Variants in GRM1 observed in about 807,000 individuals in gnomAD.
GRM1 encodes the protein metabotropic glutamate receptor 1.
Under a neutral mutation model 90.9 loss-of-function variants are expected in GRM1, and 33 were observed. The ratio of observed to expected loss-of-function variants is 0.36; its 90% confidence interval spans 0.28 to 0.49. The LOEUF (loss-of-function observed/expected upper bound fraction) is 0.49. GRM1 is among the 20% of genes least tolerant of loss of function. GRM1 has a pLI of 0.99. For synonymous variants in GRM1, 700 were observed against 613.2 expected (o/e 1.14, Z -2.09); for missense variants, 1,190 against 1,534.3 (o/e 0.78, Z 3.75).
intron 5 of GRM1, among the ~76,000 whole-genome samples, chr6:146,382,270 G>C (rs1392762002): frequency 8.5e-6 from 1 of 117,928 alleles, no homozygotes; most frequent in African/African-American, 3.4e-5. Flanking sequence ...TTTTAAATTT[G>C]TCACTTTGGG....
intron 1 of GRM1, among the ~76,000 whole-genome samples, chr6:146,066,868 C>T (rs1262896938): frequency 6.6e-6 from 1 of 151,864 alleles, no homozygotes; most frequent in Non-Finnish European, 1.5e-5. Flanking sequence ...GGAAAGAGCT[C>T]AGATCTTTGA....
intron 2 of GRM1, among the ~76,000 whole-genome samples, chr6:146,292,815 C>T (rs1783035621): frequency 6.6e-6 from 1 of 151,864 alleles, no homozygotes; most frequent in African/African-American, 2.4e-5. Context: ...TGCATGTATA[C>T]ATATGTTTAT....
At chr6:146,184,805 A>G (rs1459539084) in intron 2 of GRM1, among the ~76,000 whole-genome samples, 3 of 152,202 alleles carry the variant, frequency 2.0e-5, no homozygotes, top group Non-Finnish European at 1.5e-5. Context: ...TTCATGATCA[A>G]CAAGATTGCT....
chr6:146,174,465 G>T (rs1778259412), intron 2 of GRM1, among the ~76,000 whole-genome samples: 1 of 152,192 alleles, frequency 6.6e-6, no homozygotes, highest in Non-Finnish European at 1.5e-5. Flanking sequence ...AAAGGAGCTG[G>T]AATTGCAAAA....
intron 1 of GRM1, among the ~76,000 whole-genome samples, chr6:146,035,122 G>C (rs1458557294): frequency 6.6e-6 from 1 of 151,902 alleles, no homozygotes; most frequent in Non-Finnish European, 1.5e-5. Context: ...AAAAGAGACA[G>C]TATTGAAAGT....
At chr6:146,339,472 C>T (rs1439936305) in intron 3 of GRM1, among the ~76,000 whole-genome samples, 1 of 152,118 alleles carries the variant, frequency 6.6e-6, no homozygotes, top group African/African-American at 2.4e-5. Flanking sequence ...TAAATAGACA[C>T]CTCATTTATA....
intron 3 of GRM1, among the ~76,000 whole-genome samples, chr6:146,320,014 G>C (rs904874288): frequency 6.6e-6 from 1 of 152,128 alleles, no homozygotes; most frequent in Non-Finnish European, 1.5e-5. Flanking sequence ...GAATAAGAGT[G>C]GTGAGAGAGG....
Position 146,154,422 on chromosome 6 carries a change from T to C in GRM1, c.701-4926T>C, listed in dbSNP as rs78855731. Among the ~76,000 whole-genome samples the C allele has an allele frequency of 5.3e-3, 803 of 152,308 alleles. 4 individuals are homozygous for C. The highest frequency in any genetic ancestry group is 0.019 in the African/African-American group (780 of 41,570). ...CAGCTGTGTGTGGTTTTCTCCCTTG[T>C]AATCAGTCAATGCCTGTCTTTTGAG... On this transcript the variant is annotated intron_variant, in intron 1 of 7. Transcript: ENST00000282753.
intron 6 of GRM1, among the ~76,000 whole-genome samples, chr6:146,397,332 G>A (rs576781500): frequency 6.6e-6 from 1 of 151,646 alleles, no homozygotes; most frequent in South Asian, 2.1e-4. Context: ...AAATTAGCCG[G>A]GCATGGTGGC....
chr6:146,141,887 G>C (rs1271089398), intron 1 of GRM1, among the ~76,000 whole-genome samples: 1 of 152,124 alleles, frequency 6.6e-6, no homozygotes, highest in Non-Finnish European at 1.5e-5. Context: ...ACTGGTTCCT[G>C]ATGCCTTATT....
intron 1 of GRM1, among the ~76,000 whole-genome samples, chr6:146,146,173 C>T (rs531080917): frequency 1.1e-4 from 13 of 119,990 alleles, no homozygotes; most frequent in Non-Finnish European, 2.1e-4. Context: ...ACTGCAAGCT[C>T]TGCCTCCCGG....
chr6:146,158,893 C>T (rs965742342), intron 1 of GRM1, among the ~76,000 whole-genome samples: 18 of 152,124 alleles, frequency 1.2e-4, no homozygotes, highest in African/African-American at 4.1e-4. Flanking sequence ...GCTCATTCTT[C>T]GTGGAAACGT....
chr6:146,332,488 T>G (rs774586142), intron 3 of GRM1, among the ~76,000 whole-genome samples: 1 of 152,232 alleles, frequency 6.6e-6, no homozygotes, highest in Non-Finnish European at 1.5e-5. Flanking sequence ...ATGACCTCTC[T>G]GGCAACAATG....
At chr6:146,188,967 A>G (rs1315535229) in intron 2 of GRM1, among the ~76,000 whole-genome samples, 1 of 152,192 alleles carries the variant, frequency 6.6e-6, no homozygotes, top group African/African-American at 2.4e-5. Flanking sequence ...ATGCTAAGCT[A>G]CTGTGCTAAA....
At chr6:146,297,781 A>G (rs1164118356) in intron 2 of GRM1, among the ~76,000 whole-genome samples, 1 of 152,192 alleles carries the variant, frequency 6.6e-6, no homozygotes, top group African/African-American at 2.4e-5. Context: ...AGATTCTGAC[A>G]ACCTGGTTGG....
chr6:146,355,120 G>A (rs963834052), intron 4 of GRM1, among the ~76,000 whole-genome samples: 2 of 152,160 alleles, frequency 1.3e-5, no homozygotes, highest in Non-Finnish European at 2.9e-5. Flanking sequence ...TTGTATGTGA[G>A]AAGCTGTATT....
chr6:146,260,936 T>C (rs1781675896), intron 2 of GRM1, among the ~76,000 whole-genome samples: 1 of 151,368 alleles, frequency 6.6e-6, no homozygotes, highest in Admixed American at 6.6e-5. Context: ...CACCTCTATA[T>C]TTTTAGCATC....
intron 2 of GRM1, among the ~76,000 whole-genome samples, chr6:146,207,079 G>C (rs1779521394): frequency 6.6e-6 from 1 of 152,114 alleles, no homozygotes; most frequent in Non-Finnish European, 1.5e-5. Flanking sequence ...TTGATTCCAT[G>C]TCTTTGCTAT....
At chr6:146,316,045 T>A (rs1291831198) in intron 3 of GRM1, among the ~76,000 whole-genome samples, 1 of 152,182 alleles carries the variant, frequency 6.6e-6, no homozygotes, top group Non-Finnish European at 1.5e-5. Context: ...TATGTTACAA[T>A]TCTGTAGGTT....
Sources: gnomAD v4.1 joint callset for allele counts (sites outside exome capture counted in the v4.1 genomes callset) on GRCh38, gnomAD v4.1.1 for gene constraint, MANE v1.5 for transcripts, NCBI Gene and HGNC (gene_info 2026-07-23, HGNC 2026-07-21) for gene names.